Variants in FREM1 observed in about 807,000 individuals in gnomAD.
FREM1 encodes FRAS1 related extracellular matrix 1.
FREM1 carries 220 observed loss-of-function variants against 210.1 expected under a neutral mutation model. The observed-to-expected ratio is 1.05, with a 90% CI of 0.94 to 1.17. FREM1 has a LOEUF of 1.17. FREM1 is among the 50% of genes most tolerant of loss of function. FREM1 has a pLI of 0.00. For missense variants in FREM1, 3,454 were observed against 2,675.5 expected (o/e 1.29, Z -6.42); for synonymous variants, 1,189 against 980.2 (o/e 1.21, Z -3.98).
intron 18 of FREM1, 115 bp downstream of exon 18, chr9:14,806,546 G>A (rs987560474): frequency 2.8e-5 from 19 of 683,994 alleles, no homozygotes; most frequent in Admixed American, 1.6e-4. Flanking sequence ...CAGCCACCAC[G>A]CCCGGTGCTT....
chr9:14,812,471 G>A (rs1819576602), intron 16 of FREM1, among the ~76,000 whole-genome samples: 1 of 152,106 alleles, frequency 6.6e-6, no homozygotes, highest in South Asian at 2.1e-4. Flanking sequence ...GCTTGCTTCA[G>A]GCATTTCTGT....
rs1336532557 is a variant in FREM1, at chr9:14,860,553, A to ATGTG, written c.330-1070_330-1069insCACA. On this transcript the variant is annotated intron_variant, in intron 3 of 36. Coordinates refer to ENST00000380880, the MANE Select transcript of FREM1 (RefSeq NM_001379081.2). Reference sequence around the variant, plus strand: ...GGTATGTATATATATACACATATATATACACACATATATATACACATATAT... The same window carrying ATGTG: ...GGTATGTATATATATACACATATATATGTGTACACACATATATATACACATATAT... Among the ~76,000 whole-genome samples the ATGTG allele has an allele frequency of 8.7e-3, 1,024 of 117,444 alleles. 90 individuals carry two copies. Among genetic ancestry groups the ATGTG allele is most frequent in the African/African-American group, 0.037 (878 of 23,896 alleles). 77.0% of individuals were successfully genotyped at this position (117,444 alleles called of 152,430 possible). A position where few individuals can be genotyped will look rare whatever the true frequency, so the allele number is the denominator to read the frequency against.
chr9:14,861,705 C>A (rs1830630226), intron 3 of FREM1, among the ~76,000 whole-genome samples: 1 of 151,932 alleles, frequency 6.6e-6, no homozygotes, highest in Non-Finnish European at 1.5e-5. Flanking sequence ...TGGGGTTTTG[C>A]CATGTTGACC....
intron 1 of FREM1, among the ~76,000 whole-genome samples, chr9:14,885,743 T>C (rs947824195): frequency 6.6e-6 from 1 of 152,208 alleles, no homozygotes; most frequent in African/African-American, 2.4e-5. Flanking sequence ...TGTTTTGCAA[T>C]ATATACATAC....
At chr9:14,758,791 T>C (rs1844905131) in intron 28 of FREM1, among the ~76,000 whole-genome samples, 1 of 152,152 alleles carries the variant, frequency 6.6e-6, no homozygotes, top group Admixed American at 6.5e-5. Flanking sequence ...TAAAAAAAAT[T>C]CTTCAATTCT....
intron 2 of FREM1, 107 bp downstream of exon 2, chr9:14,868,637 G>T: frequency 1.4e-6 from 1 of 722,484 alleles, no homozygotes; most frequent in South Asian, 1.7e-5. Context: ...ACTCGTCTTT[G>T]ATGGCTTGAG....
At chr9:14,888,024 T>C (rs1221358219) in intron 1 of FREM1, among the ~76,000 whole-genome samples, 2 of 152,156 alleles carry the variant, frequency 1.3e-5, no homozygotes, top group Non-Finnish European at 2.9e-5. Context: ...TGTCAAACTC[T>C]TGACCTCAAG....
intron 27 of FREM1, among the ~76,000 whole-genome samples, chr9:14,761,208 A>G (rs1334121839): frequency 1.3e-5 from 2 of 152,148 alleles, no homozygotes; most frequent in Non-Finnish European, 2.9e-5. Context: ...CACTGTGTCC[A>G]CACTGATCAT....
chr9:14,800,584 G>C (rs1201625739), intron 20 of FREM1, among the ~76,000 whole-genome samples: 1 of 152,166 alleles, frequency 6.6e-6, no homozygotes, highest in Non-Finnish European at 1.5e-5. Context: ...TGGCAGACCA[G>C]TCTCTTAAAC....
chr9:14,882,502 C>T (rs1207207352), intron 1 of FREM1, among the ~76,000 whole-genome samples: 1 of 150,308 alleles, frequency 6.7e-6, no homozygotes, highest in Non-Finnish European at 1.5e-5. Flanking sequence ...GTTCTGTCAC[C>T]CAGGCTGCAG....
chr9:14,854,349 C>T (rs1252551645), intron 5 of FREM1, among the ~76,000 whole-genome samples: 3 of 151,920 alleles, frequency 2.0e-5, no homozygotes, highest in Non-Finnish European at 2.9e-5. Flanking sequence ...GACAAATAGT[C>T]TGAAATTCAA....
chr9:14,782,268 T>G (rs1723379608), intron 24 of FREM1: 1 of 478,686 alleles, frequency 2.1e-6, no homozygotes. Context: ...AAATGCCATC[T>G]AATAAGACTT....
chr9:14,818,217 T>C lies in FREM1; in HGVS notation c.2546+1017A>G, dbSNP rs190057348. Among the ~76,000 whole-genome samples, 402 of 152,372 alleles carry C rather than the reference T, an allele frequency of 2.6e-3. 18 individuals are homozygous for C. The highest frequency in any genetic ancestry group is 0.026 in the Admixed American group (399 of 15,308). ...AGCAAATATTGGTACTGTTTATCCA[T>C]CATTCACTCCGTAGCAAGAATTACC... On this transcript the variant is annotated intron_variant, in intron 14 of 36. Coordinates refer to ENST00000380880, the MANE Select transcript of FREM1 (RefSeq NM_001379081.2).
At chr9:14,850,266 A>G (rs975546282) in intron 6 of FREM1, among the ~76,000 whole-genome samples, 7 of 152,210 alleles carry the variant, frequency 4.6e-5, no homozygotes, top group African/African-American at 1.7e-4. Context: ...ATTAGATAGA[A>G]GTAGGACCTT....
chr9:14,857,849 T>C (rs1829079011), intron 4 of FREM1, 100 bp from the exon 5 acceptor site: 1 of 781,122 alleles, frequency 1.3e-6, no homozygotes, highest in Non-Finnish European at 2.0e-6. Context: ...TCCCTCTCAC[T>C]GCCTCAGGAA....
intron 16 of FREM1, among the ~76,000 whole-genome samples, chr9:14,811,967 G>A (rs1819485921): frequency 1.3e-5 from 2 of 152,150 alleles, no homozygotes; most frequent in African/African-American, 4.8e-5. Context: ...AAAGCCAGCA[G>A]ATGAAATATG....
chr9:14,787,605 T>A (rs1850619536), intron 23 of FREM1, among the ~76,000 whole-genome samples: 1 of 152,148 alleles, frequency 6.6e-6, no homozygotes, highest in African/African-American at 2.4e-5. Flanking sequence ...CCTAATTTTC[T>A]TCCATATCTC....
chr9:14,870,345 C>A (rs1326615401), intron 1 of FREM1, among the ~76,000 whole-genome samples: 1 of 152,188 alleles, frequency 6.6e-6, no homozygotes, highest in African/African-American at 2.4e-5. Context: ...TACAGAGCAG[C>A]CTGTTTTTTA....
chr9:14,880,139 C>G (rs1834529253), intron 1 of FREM1, among the ~76,000 whole-genome samples: 1 of 152,132 alleles, frequency 6.6e-6, no homozygotes, highest in South Asian at 2.1e-4. Context: ...GAGGGTTTCC[C>G]TCTGCAAACC....
Sources: allele counts gnomAD v4.1 joint callset (sites outside exome capture counted in the v4.1 genomes callset), GRCh38; gene constraint gnomAD v4.1.1; transcripts MANE v1.5; gene names NCBI Gene and HGNC (gene_info 2026-07-23, HGNC 2026-07-21).